Variants in B4GALNT3 observed in about 807,000 individuals in gnomAD.
B4GALNT3 encodes the protein beta-1,4-N-acetyl-galactosaminyltransferase 3.
A neutral mutation model predicts 120.2 loss-of-function variants in B4GALNT3; 86 were observed. The ratio of observed to expected loss-of-function variants is 0.72; its 90% CI spans 0.60 to 0.86. The LOEUF (loss-of-function observed/expected upper bound fraction) is 0.86. Ranked by LOEUF, B4GALNT3 falls within the 40% of genes least tolerant of loss-of-function variation. B4GALNT3 has a pLI of 0.00. For missense variants in B4GALNT3, 1,167 were observed against 1,298.9 expected, an observed-to-expected ratio of 0.90 and a Z score of 1.56; for synonymous variants, 518 against 510.4, an observed-to-expected ratio of 1.01 and a Z score of -0.20.
chr12:560,663 A>G (rs1468518894), intron 19 of B4GALNT3, among the ~76,000 whole-genome samples: 2 of 152,194 alleles, frequency 1.3e-5, no homozygotes, highest in Non-Finnish European at 2.9e-5. Flanking sequence ...GGGCAGCTGG[A>G]AGCCTTGATT....
chr12:553,016 G>T (rs1017160786), intron 13 of B4GALNT3, 178 bp from the exon 14 acceptor site: 43 of 795,174 alleles, frequency 5.4e-5, no homozygotes, highest in Non-Finnish European at 8.1e-5. Context: ...TGAAGAAACT[G>T]GGGTTAATTG....
intron 1 of B4GALNT3, among the ~76,000 whole-genome samples, chr12:461,631 T>C (rs1946023565): frequency 1.3e-5 from 2 of 152,224 alleles, no homozygotes; most frequent in African/African-American, 4.8e-5. Flanking sequence ...ACAGAGTGGC[T>C]GAGCAAGCAG....
chr12:514,967 G>A (rs1946638352), intron 1 of B4GALNT3, among the ~76,000 whole-genome samples: 1 of 152,000 alleles, frequency 6.6e-6, no homozygotes, highest in South Asian at 2.1e-4. Context: ...AGGTGGAGTC[G>A]AGATCGCACC....
chr12:545,876 G>A (rs1946996989), intron 6 of B4GALNT3, among the ~76,000 whole-genome samples: 1 of 16,630 alleles, frequency 6.0e-5, no homozygotes, highest in Non-Finnish European at 1.2e-4. Context: ...GGTGAGAGGA[G>A]TGGGGAGGTG....
chr12:557,922 A>G, intron 16 of B4GALNT3, 94 bp from the exon 17 acceptor site: 1 of 1,496,352 alleles, frequency 6.7e-7, no homozygotes, highest in Non-Finnish European at 9.3e-7. Flanking sequence ...CCATCCCAGG[A>G]GCACACATCA....
intron 19 of B4GALNT3, among the ~76,000 whole-genome samples, 196 bp downstream of exon 19, chr12:559,617 C>T (rs183540486): frequency 2.4e-4 from 37 of 152,120 alleles, no homozygotes; most frequent in East Asian, 7.8e-4. Context: ...GGGTGTGACT[C>T]GCCCTCTGTC....
At chr12:536,559 G>T (rs1565605520) in intron 3 of B4GALNT3, among the ~76,000 whole-genome samples, 2 of 152,200 alleles carry the variant, frequency 1.3e-5, no homozygotes, top group Non-Finnish European at 2.9e-5. Flanking sequence ...TGTCGGCCAG[G>T]CTAGTCTCAA....
intron 1 of B4GALNT3, among the ~76,000 whole-genome samples, chr12:481,809 G>T (rs892709426): frequency 6.6e-6 from 1 of 152,168 alleles, no homozygotes; most frequent in Non-Finnish European, 1.5e-5. Flanking sequence ...AGCCTCAGCT[G>T]TGGGGAAGCC....
At chr12:512,154 TTCCGCCTTCCACCTTCCG>T (rs1946582006) in intron 1 of B4GALNT3, among the ~76,000 whole-genome samples, 3 of 81,906 alleles carry the variant, frequency 3.7e-5, no homozygotes, top group African/African-American at 6.6e-5. Context: ...ACCTTCCGCC[TTCCGCCTTCCACCTTCCG>T]CCTTCCGCCT....
At chr12:480,204 C>CG (rs1946224971) in intron 1 of B4GALNT3, among the ~76,000 whole-genome samples, 1 of 134,104 alleles carries the variant, frequency 7.5e-6, no homozygotes, top group Non-Finnish European at 1.6e-5. Flanking sequence ...CGTGAGCCAC[C>CG]GCGCCCGGCC....
intron 1 of B4GALNT3, among the ~76,000 whole-genome samples, chr12:501,562 T>C (rs530301889): frequency 2.0e-5 from 3 of 152,056 alleles, no homozygotes; most frequent in African/African-American, 7.2e-5. Flanking sequence ...GCCTGGGCAA[T>C]AGAGTGAGAC....
chr12:468,013 T>G (rs958916187), intron 1 of B4GALNT3, among the ~76,000 whole-genome samples: 1 of 152,204 alleles, frequency 6.6e-6, no homozygotes, highest in Non-Finnish European at 1.5e-5. Flanking sequence ...TGATCTGTAT[T>G]TTTCTACTAA....
At chr12:545,934 T>G (rs995937922) in intron 6 of B4GALNT3, among the ~76,000 whole-genome samples, 4 of 4,178 alleles carry the variant, frequency 9.6e-4, no homozygotes, top group Non-Finnish European at 2.2e-3. Context: ...AGTGGGGAGG[T>G]GAGAGGAGTG....
intron 1 of B4GALNT3, among the ~76,000 whole-genome samples, chr12:531,106 C>T (rs1403800343): frequency 6.6e-6 from 1 of 152,148 alleles, no homozygotes; most frequent in East Asian, 1.9e-4. Flanking sequence ...TCCACATTCC[C>T]CCAGGGGGGC....
chr12:551,295 T>C (rs987207095), intron 11 of B4GALNT3, among the ~76,000 whole-genome samples: 4 of 152,168 alleles, frequency 2.6e-5, no homozygotes, highest in African/African-American at 9.7e-5. Flanking sequence ...CCCGTGATGA[T>C]ATCAGGTGGC....
chr12:467,640 AT>A (rs556439433), intron 1 of B4GALNT3, among the ~76,000 whole-genome samples: 117 of 152,354 alleles, frequency 7.7e-4, no homozygotes, highest in Non-Finnish European at 8.7e-4. Flanking sequence ...TCTGGACCAC[AT>A]TAACCCTGCG....
chr12:476,651 C>T (rs538714769), intron 1 of B4GALNT3, among the ~76,000 whole-genome samples: 5 of 152,130 alleles, frequency 3.3e-5, no homozygotes, highest in Non-Finnish European at 7.4e-5. Flanking sequence ...AGTATGTGCC[C>T]AGAATTGAAT....
At chr12:492,611 C>T (rs1318245004) in intron 1 of B4GALNT3, among the ~76,000 whole-genome samples, 2 of 152,160 alleles carry the variant, frequency 1.3e-5, no homozygotes, top group Non-Finnish European at 2.9e-5. Flanking sequence ...TATTGGCAAA[C>T]TGATTCTAAA....
At position 549,889 on chromosome 12, in the gene B4GALNT3, A is replaced by AC; in HGVS notation, c.979dup (p.Arg327ProfsTer21). The AC allele has an allele frequency of 6.2e-7, 1 of 1,612,878 alleles. No individual in the cohort carries two copies. The highest frequency in any genetic ancestry group is 8.5e-7 in the Non-Finnish European group (1 of 1,179,836). On this transcript the variant is annotated frameshift_variant, in exon 10 of 20. Coordinates refer to ENST00000266383, the MANE Select transcript of B4GALNT3 (RefSeq NM_173593.4). LOFTEE classifies it high-confidence loss of function. ...CCGCCCGCTGACATGCTTCGGCCTG[A>AC]CCCCCGGGACACCCTCTATCGAGGT...
Sources: allele counts gnomAD v4.1 joint callset (sites outside exome capture counted in the v4.1 genomes callset), GRCh38; gene constraint gnomAD v4.1.1; transcripts MANE v1.5; gene names NCBI Gene and HGNC (gene_info 2026-07-23, HGNC 2026-07-21).